The following NCKAP1L variants were observed in gnomAD, a reference collection of about 807,000 sequenced individuals.
NCKAP1L encodes the protein nck-associated protein 1-like.
A neutral mutation model predicts 139.2 loss-of-function variants in NCKAP1L; 53 were observed. The observed-to-expected ratio is 0.38, with a 90% confidence interval of 0.31 to 0.48. The LOEUF (loss-of-function observed/expected upper bound fraction) is 0.48, where lower values mean the gene tolerates loss of function less well. Ranked by LOEUF, NCKAP1L falls within the 20% of genes least tolerant of loss-of-function variation. NCKAP1L has a pLI of 0.98. For missense variants in NCKAP1L, 1,151 were observed against 1,381.9 expected (o/e 0.83, Z 2.65); for synonymous variants, 468 against 499.7 (o/e 0.94, Z 0.85).
At chr12:54,522,655 C>G (rs983673394) in intron 18 of NCKAP1L, among the ~76,000 whole-genome samples, 1 of 152,104 alleles carries the variant, frequency 6.6e-6, no homozygotes, top group Admixed American at 6.5e-5. Flanking sequence ...AAAGAAGGCA[C>G]GACTAAAAGT....
intron 28 of NCKAP1L, 151 bp from the exon 29 acceptor site, chr12:54,536,793 C>T (rs1427467799): frequency 3.4e-6 from 2 of 582,862 alleles, no homozygotes; most frequent in Admixed American, 5.9e-5. Flanking sequence ...AATATCCTGC[C>T]TCTAATCTCA....
At position 54,543,161 on chromosome 12, in the gene NCKAP1L, C is replaced by T. The variant is rs1049174010; in HGVS notation, c.*476C>T. On this transcript the variant is annotated 3_prime_UTR_variant, in exon 31 of 31. Transcript: ENST00000293373. ...ATTCATTAGGACCATTATCTTCTCT[C>T]TTCCTTTTTCAAATGTGTTCAGCAA... 1 of 152,746 alleles carries T rather than the reference C, an allele frequency of 6.5e-6. No individual in the cohort carries two copies. The highest frequency in any genetic ancestry group is 1.5e-5 in the Non-Finnish European group (1 of 68,440). 9.5% of individuals were successfully genotyped at this position (152,746 alleles called of 1,614,324 possible). A position where few individuals can be genotyped will look rare whatever the true frequency, so the allele number is the denominator to read the frequency against.
chr12:54,511,087 G>A (rs1956884897), intron 7 of NCKAP1L, among the ~76,000 whole-genome samples: 1 of 152,224 alleles, frequency 6.6e-6, no homozygotes, highest in African/African-American at 2.4e-5. Flanking sequence ...CATGATTAGT[G>A]ATAAGTGCCA....
At chr12:54,500,486 T>A (rs770639050) in intron 2 of NCKAP1L, 47 bp from the exon 3 acceptor site, 6 of 1,269,770 alleles carry the variant, frequency 4.7e-6, no homozygotes, top group Non-Finnish European at 6.9e-6. Flanking sequence ...TTGGATCAAT[T>A]GTCTTATTTT....
intron 3 of NCKAP1L, among the ~76,000 whole-genome samples, chr12:54,502,030 T>G (rs751586448): frequency 1.3e-5 from 2 of 152,246 alleles, no homozygotes; most frequent in Non-Finnish European, 2.9e-5. Flanking sequence ...GCCATTTATA[T>G]ATCTTCTTTG....
chr12:54,516,657 G>T (rs1297103631), intron 10 of NCKAP1L, among the ~76,000 whole-genome samples: 2 of 152,078 alleles, frequency 1.3e-5, no homozygotes, highest in Non-Finnish European at 2.9e-5. Flanking sequence ...TGTTGGCCAT[G>T]CTGGTCTTGA....
In NCKAP1L at chr12:54,516,896, T is replaced by C. The variant is rs760338886; in HGVS notation, c.999T>C (p.Ser333=). 5.0e-6 allele frequency: 8 copies of C among 1,611,680 alleles called. No homozygotes were observed. The highest frequency in any genetic ancestry group is 3.3e-5 in the Admixed American group (2 of 59,900). Residue 333 remains serine, a splice_region_variant and synonymous_variant, in exon 11 of 31, where the codon AGT becomes AGC. Transcript: ENST00000293373. ...GTCATGTTCCCCTTTTCTTCCTTAG[T>C]GGCCAGTTTCATTGTCAACGGCGGC... ...KESKEHVIAN[S]GQFHCQRRQF...
chr12:54,514,912 A>G (rs1956918786), intron 9 of NCKAP1L, among the ~76,000 whole-genome samples: 2 of 152,212 alleles, frequency 1.3e-5, no homozygotes, highest in Non-Finnish European at 2.9e-5. Flanking sequence ...CTTCTAAGGA[A>G]TGGAAGAGAT....
intron 20 of NCKAP1L, among the ~76,000 whole-genome samples, chr12:54,526,280 C>A (rs1957025324): frequency 6.6e-6 from 1 of 152,128 alleles, no homozygotes; most frequent in African/African-American, 2.4e-5. Flanking sequence ...GGAATCAAGT[C>A]CCAGCTCTGC....
chr12:54,532,739 A>G (rs1342248943), intron 26 of NCKAP1L, among the ~76,000 whole-genome samples: 1 of 151,682 alleles, frequency 6.6e-6, no homozygotes, highest in African/African-American at 2.4e-5. Flanking sequence ...CCTGCCTCAG[A>G]CCCCCATTTA....
Position 54,509,866 on chromosome 12 carries a change from C to T in NCKAP1L, c.616C>T (p.Leu206Phe), listed in dbSNP as rs754379839. The T allele has an allele frequency of 1.9e-5, 30 of 1,614,098 alleles. No homozygotes were observed. Among genetic ancestry groups the T allele is most frequent in the Non-Finnish European group, 2.5e-5 (30 of 1,180,048 alleles). ...CCCACAGGCTGTGAGTGGAGCCCTC[C>T]TCTCTTTGCATTTCCTCTTTGTCCG... Reference protein sequence around the residue: ...PHTKAVSGALLSLHFLFVRRN... With the variant: ...PHTKAVSGALFSLHFLFVRRN... Residue 206 changes from leucine to phenylalanine, a missense_variant, in exon 7 of 31, where the codon CTC (leucine) becomes TTC (phenylalanine). By Grantham distance (22) the Leu-to-Phe change is conservative. Coordinates refer to ENST00000293373, the MANE Select transcript of NCKAP1L (RefSeq NM_005337.5).
chr12:54,499,370 A>G lies in NCKAP1L; in HGVS notation c.118A>G (p.Lys40Glu), dbSNP rs747561683. ...YNIKKTCSDP[K>E]SKPPFLLEKS... ...CTCTCTGCAGACTTGTTCAGACCCC[A>G]AATCTAAGCCACCTTTCTTACTGGA... Residue 40 changes from lysine (K) to glutamate (E), a missense_variant, in exon 2 of 31, where the codon AAA (lysine) becomes GAA (glutamate). Physicochemically the swap from Lys to Glu is moderately conservative, Grantham distance 56. Transcript: ENST00000293373. 6.2e-7 allele frequency: 1 copy of G among 1,606,484 alleles called. No homozygotes were observed. The highest frequency in any genetic ancestry group is 8.5e-7 in the Non-Finnish European group (1 of 1,173,016).
At chr12:54,506,795 AAATATATATATATATAT>A (rs1345194939) in intron 3 of NCKAP1L, among the ~76,000 whole-genome samples, 1 of 82,416 alleles carries the variant, frequency 1.2e-5, no homozygotes, top group Non-Finnish European at 2.3e-5. Flanking sequence ...TAAAAAAAAA[AAATATATATATATATAT>A]ATATATATAT....
At chr12:54,535,381 A>G (rs568385967) in intron 27 of NCKAP1L, among the ~76,000 whole-genome samples, 184 bp downstream of exon 27, 1 of 152,328 alleles carries the variant, frequency 6.6e-6, no homozygotes, top group East Asian at 1.9e-4. Flanking sequence ...ATTTATCCTC[A>G]GGTTTCAACT....
In NCKAP1L at chr12:54,497,825, A is replaced by G; in HGVS notation, c.36A>G (p.Ala12=). 1 of 1,613,782 alleles carries G rather than the reference A, an allele frequency of 6.2e-7. No homozygotes were observed. Among genetic ancestry groups the G allele is most frequent in the South Asian group, 1.1e-5 (1 of 91,074 alleles). The change falls in exon 1 of 31, where the codon GCA becomes GCG. Residue 12 remains alanine (A), a synonymous_variant. Transcript: ENST00000293373. ...SLTSAYQHKL[A]EKLTILNDRG... ...CATCTGCTTACCAGCATAAATTAGCAGAGAAGCTCACTATCCTGAATGATC... is the reference window on the plus strand; with the variant it reads ...CATCTGCTTACCAGCATAAATTAGCGGAGAAGCTCACTATCCTGAATGATC...
At chr12:54,538,770 G>T in intron 29 of NCKAP1L, 114 bp from the exon 30 acceptor site, 1 of 782,874 alleles carries the variant, frequency 1.3e-6, no homozygotes, top group East Asian at 2.7e-5. Flanking sequence ...GAGTCTTCAG[G>T]AACATTCTAG....
intron 2 of NCKAP1L, among the ~76,000 whole-genome samples, chr12:54,499,919 T>G (rs1239002466): frequency 6.6e-6 from 1 of 152,210 alleles, no homozygotes; most frequent in Non-Finnish European, 1.5e-5. Flanking sequence ...TTCTGTTTCT[T>G]TTGACTTTGA....
chr12:54,521,059 T>C lies in NCKAP1L; in HGVS notation c.1759-60T>C, dbSNP rs1956978790. On this transcript the variant is annotated intron_variant, in intron 17 of 30. Transcript: ENST00000293373. Reference sequence around the variant, plus strand: ...CAGGCAAGGGATGAGAGCAGTATTGTGAGGAAGAAGTGGCCGTGCTGGTGA... The same window carrying C: ...CAGGCAAGGGATGAGAGCAGTATTGCGAGGAAGAAGTGGCCGTGCTGGTGA... 1.1e-5 allele frequency: 18 copies of C among 1,609,432 alleles called. No individual in the cohort carries two copies. In the South Asian group the frequency reaches 1.8e-4, roughly 16 times the overall value.
In NCKAP1L at chr12:54,507,881, T is replaced by C. The variant is rs1332672550; in HGVS notation, c.335T>C (p.Ile112Thr). 1.2e-6 allele frequency: 2 copies of C among 1,614,042 alleles called. No individual in the cohort carries two copies. The highest frequency in any genetic ancestry group is 8.5e-7 in the Non-Finnish European group (1 of 1,179,938). ...RDHVYELLNTIDACQCHFDIN... is the reference protein window; with the variant it reads ...RDHVYELLNTTDACQCHFDIN... ...CATGTATATGAACTTCTCAACACCA[T>C]TGATGCCTGCCAGTGCCATTTTGAT... The change falls in exon 4 of 31, where the codon ATT becomes ACT. Residue 112 changes from isoleucine to threonine, a missense_variant. Coordinates refer to ENST00000293373, the MANE Select transcript of NCKAP1L (RefSeq NM_005337.5).
Sources: gnomAD v4.1 joint callset for allele counts (sites outside exome capture counted in the v4.1 genomes callset) on GRCh38, gnomAD v4.1.1 for gene constraint, MANE v1.5 for transcripts, NCBI Gene and HGNC (gene_info 2026-07-23, HGNC 2026-07-21) for gene names.